Variants in NDUFB5 observed in about 807,000 individuals in gnomAD.
The protein encoded by NDUFB5 is NADH dehydrogenase [ubiquinone] 1 beta subcomplex subunit 5, mitochondrial.
NDUFB5 carries 19 observed loss-of-function variants against 19.4 expected under a neutral mutation model. The observed-to-expected ratio is 0.98, with a 90% CI of 0.68 to 1.43. The LOEUF (loss-of-function observed/expected upper bound fraction) is 1.43, where lower values mean the gene tolerates loss of function less well. Among genes scored for constraint, NDUFB5 ranks in the 40% most tolerant of loss-of-function variants. NDUFB5 has a pLI of 0.00. For missense variants in NDUFB5, 233 were observed against 236.5 expected (o/e 0.99, Z 0.10); for synonymous variants, 80 against 82.6 (o/e 0.97, Z 0.17).
intron 5 of NDUFB5, among the ~76,000 whole-genome samples, chr3:179,620,901 G>C (rs1167276470): frequency 1.3e-5 from 2 of 152,220 alleles, no homozygotes; most frequent in Non-Finnish European, 2.9e-5. Flanking sequence ...TGCACCAGTT[G>C]TTTCTTCATC....
At chr3:179,607,910 G>A (rs1719145371) in intron 1 of NDUFB5, 9 of 666,678 alleles carry the variant, frequency 1.3e-5, no homozygotes, top group Non-Finnish European at 2.4e-5. Context: ...CCTTTTTAAA[G>A]CTGAATTGTC....
At chr3:179,615,094 G>A in intron 2 of NDUFB5, 35 bp downstream of exon 2, 1 of 1,432,074 alleles carries the variant, frequency 7.0e-7, no homozygotes, top group Non-Finnish European at 9.6e-7. Flanking sequence ...TAAAGTCTTT[G>A]CATGTAACAG....
At position 179,625,225 on chromosome 3, in the gene NDUFB5, G is replaced by A. The variant is rs1206744709; in HGVS notation, c.*1185G>A. Reference sequence around the variant, plus strand: ...ATGGCTTTTTACCATAAACATTCAGGATTTTCAAACCTGTAACAGCTTATC... The same window carrying A: ...ATGGCTTTTTACCATAAACATTCAGAATTTTCAAACCTGTAACAGCTTATC... On this transcript the variant is annotated 3_prime_UTR_variant, in exon 6 of 6. Coordinates refer to ENST00000259037, the MANE Select transcript of NDUFB5 (RefSeq NM_002492.4). 1 of 152,038 alleles carries A rather than the reference G, an allele frequency of 6.6e-6. No homozygotes were observed. Among genetic ancestry groups the A allele is most frequent in the African/African-American group, 2.4e-5 (1 of 41,384 alleles). 9.4% of individuals were successfully genotyped at this position (152,038 alleles called of 1,614,324 possible).
intron 1 of NDUFB5, among the ~76,000 whole-genome samples, chr3:179,611,619 C>T (rs1467291760): frequency 6.6e-6 from 1 of 151,808 alleles, no homozygotes; most frequent in African/African-American, 2.4e-5. Flanking sequence ...AGGCTGGTCT[C>T]GAACTCCTGA....
chr3:179,621,615 G>A (rs899162489), intron 5 of NDUFB5, among the ~76,000 whole-genome samples: 3 of 148,960 alleles, frequency 2.0e-5, no homozygotes, highest in Admixed American at 6.8e-5. Flanking sequence ...TCAGCCTCCC[G>A]AGTAGCTGGG....
intron 5 of NDUFB5, among the ~76,000 whole-genome samples, chr3:179,622,909 C>T (rs1189327729): frequency 6.6e-6 from 1 of 152,056 alleles, no homozygotes; most frequent in African/African-American, 2.4e-5. Context: ...TGTGCAAAGA[C>T]TTAGATATGG....
rs1392293966 is a variant in NDUFB5 at position 179,624,002 on chromosome 3, CT to C, written c.534del (p.Ile179LeufsTer46). 1 of 1,613,786 alleles carries C rather than the reference CT, an allele frequency of 6.2e-7. No individual in the cohort carries two copies. The highest frequency in any genetic ancestry group is 1.3e-5 in the African/African-American group (1 of 74,906). ...WYYYETIDKE[L>X]IDHSPKATPD... ...TTACTATGAGACAATTGACAAGGAA[CT>C]TATTGATCATTCTCCGAAAGCAACT... On this transcript the variant is annotated frameshift_variant, in exon 6 of 6. Coordinates refer to ENST00000259037, the MANE Select transcript of NDUFB5 (RefSeq NM_002492.4). LOFTEE classifies it high-confidence loss of function.
rs1361668003 is a variant in NDUFB5 at position 179,618,535 on chromosome 3, G to C, written c.449+14G>C. The C allele has an allele frequency of 1.9e-6, 3 of 1,548,100 alleles. No homozygotes were observed. Among genetic ancestry groups the C allele is most frequent in the Admixed American group, 3.6e-5 (2 of 55,334 alleles). On this transcript the variant is annotated intron_variant, in intron 5 of 5. Coordinates refer to ENST00000259037, the MANE Select transcript of NDUFB5 (RefSeq NM_002492.4). ...GGCTGAATTACGGTAGGAAAAACGA[G>C]GGGGTAGGTGGGAAAGAAAATCTTC... is the stretch of plus-strand genomic sequence containing the variant.
Position 179,618,350 on chromosome 3 carries a change from A to G in NDUFB5, c.343-65A>G, listed in dbSNP as rs1180512336. 5 of 960,556 alleles carry G rather than the reference A, an allele frequency of 5.2e-6. No homozygotes were observed. In the African/African-American group the frequency reaches 6.6e-5, roughly 13 times the overall value. The allele number at this position is 960,556 out of a possible 1,614,324, so 59.5% of individuals were successfully genotyped here. A position where few individuals can be genotyped will look rare whatever the true frequency, so the allele number is the denominator to read the frequency against. ...AACTGAAATGATCATTTTAAAGAATAGTCAACTAGAAAAGCAAAGTATTAT... is the reference window on the plus strand; with the variant it reads ...AACTGAAATGATCATTTTAAAGAATGGTCAACTAGAAAAGCAAAGTATTAT... On this transcript the variant is annotated intron_variant, in intron 4 of 5. Transcript: ENST00000259037.
At chr3:179,618,783 A>C (rs1719450531) in intron 5 of NDUFB5, among the ~76,000 whole-genome samples, 1 of 152,058 alleles carries the variant, frequency 6.6e-6, no homozygotes, top group African/African-American at 2.4e-5. Flanking sequence ...CCTAGGAGGC[A>C]GAGGTTGCAG....
At position 179,624,079 on chromosome 3, in the gene NDUFB5, T is replaced by A. The variant is rs1417813349; in HGVS notation, c.*39T>A. ...CAAATACAAAGTATATTCTCTTTAT[T>A]GGAAAATAAATTAATAAATATATTC... On this transcript the variant is annotated 3_prime_UTR_variant, in exon 6 of 6. Coordinates refer to ENST00000259037, the MANE Select transcript of NDUFB5 (RefSeq NM_002492.4). 3 of 1,548,576 alleles carry A rather than the reference T, an allele frequency of 1.9e-6. No homozygotes were observed. Among genetic ancestry groups the A allele is most frequent in the African/African-American group, 1.4e-5 (1 of 72,080 alleles).
At chr3:179,619,535 AT>A (rs1242534183) in intron 5 of NDUFB5, among the ~76,000 whole-genome samples, 1 of 152,076 alleles carries the variant, frequency 6.6e-6, no homozygotes, top group Non-Finnish European at 1.5e-5. Flanking sequence ...TGAACTCATC[AT>A]TTTTTATGGC....
At position 179,626,380 on chromosome 3, in the gene NDUFB5, G is replaced by C. The variant is rs991815508; in HGVS notation, c.*2340G>C. 4.6e-5 allele frequency: 7 copies of C among 152,018 alleles called. No individual in the cohort carries two copies. The highest frequency in any genetic ancestry group is 1.7e-4 in the African/African-American group (7 of 41,436). The allele number at this position is 152,018 out of a possible 1,614,324, so 9.4% of individuals were successfully genotyped here. A position where few individuals can be genotyped will look rare whatever the true frequency, so the allele number is the denominator to read the frequency against. On this transcript the variant is annotated 3_prime_UTR_variant, in exon 6 of 6. Transcript: ENST00000259037. ...GACCCAAATAGCTAGGACCAAAGGC[G>C]AGTGCCACCATGCTCAGCTAATTTT... is the stretch of plus-strand genomic sequence containing the variant.
At chr3:179,622,231 G>A (rs528380107) in intron 5 of NDUFB5, among the ~76,000 whole-genome samples, 22 of 152,190 alleles carry the variant, frequency 1.4e-4, no homozygotes, top group Non-Finnish European at 3.1e-4. Context: ...GGCTCAAGCA[G>A]TCTTCCTGCC....
At chr3:179,613,164 A>G (rs1719291585) in intron 1 of NDUFB5, among the ~76,000 whole-genome samples, 1 of 152,216 alleles carries the variant, frequency 6.6e-6, no homozygotes, top group South Asian at 2.1e-4. Context: ...GGAATGCTGT[A>G]TCCACCTCAT....
intron 1 of NDUFB5, among the ~76,000 whole-genome samples, chr3:179,612,626 G>A (rs1251187254): frequency 6.6e-6 from 1 of 151,414 alleles, no homozygotes; most frequent in Admixed American, 6.6e-5. Context: ...ACAGGCGCCT[G>A]CCACCACACC....
At chr3:179,605,802 T>G (rs1286724040) in intron 1 of NDUFB5, among the ~76,000 whole-genome samples, 2 of 151,296 alleles carry the variant, frequency 1.3e-5, no homozygotes, top group Non-Finnish European at 2.9e-5. Context: ...TCTTTTTTTT[T>G]TTTTCTTTTG....
chr3:179,606,212 ACT>A (rs1407560264), intron 1 of NDUFB5, among the ~76,000 whole-genome samples: 1 of 152,152 alleles, frequency 6.6e-6, no homozygotes, highest in South Asian at 2.1e-4. Context: ...TATCTCAGAG[ACT>A]CTGCAAAGAA....
At chr3:179,618,304 G>T in intron 4 of NDUFB5, 111 bp from the exon 5 acceptor site, 1 of 622,914 alleles carries the variant, frequency 1.6e-6, no homozygotes, top group South Asian at 2.1e-5. Context: ...TAGTTACATA[G>T]TAGATGTTAC....
Sources: gnomAD v4.1 joint callset for allele counts (sites outside exome capture counted in the v4.1 genomes callset) on GRCh38, gnomAD v4.1.1 for gene constraint, MANE v1.5 for transcripts, NCBI Gene and HGNC (gene_info 2026-07-23, HGNC 2026-07-21) for gene names.